The following TRIM29 variants were observed in gnomAD, a reference collection of about 807,000 sequenced individuals.
The protein encoded by TRIM29 is tripartite motif containing 29.
In TRIM29, 52 loss-of-function variants were observed where a neutral mutation model predicts 57.3. The ratio of observed to expected loss-of-function variants is 0.91; its 90% CI spans 0.73 to 1.14. TRIM29 has a LOEUF of 1.14. Ranked by LOEUF, TRIM29 falls within the 50% of genes most tolerant of loss-of-function variation. TRIM29 has a pLI of 0.00. For synonymous variants in TRIM29, 319 were observed against 316.9 expected (o/e 1.01, Z -0.07); for missense variants, 753 against 774.6 (o/e 0.97, Z 0.33).
intron 1 of TRIM29, among the ~76,000 whole-genome samples, chr11:120,135,740 G>A (rs1863803189): frequency 6.6e-6 from 1 of 152,192 alleles, no homozygotes; most frequent in African/African-American, 2.4e-5. Context: ...GTCCAGGGGT[G>A]TGGGTGAGAG....
chr11:120,134,678 T>C (rs1863784100), intron 1 of TRIM29, among the ~76,000 whole-genome samples: 1 of 152,174 alleles, frequency 6.6e-6, no homozygotes, highest in African/African-American at 2.4e-5. Flanking sequence ...GCTCCCACCA[T>C]CACAGTCACT....
Position 120,137,877 on chromosome 11 carries a change from TC to T in TRIM29, c.154del (p.Glu52ArgfsTer9), listed in dbSNP as rs753976737. The T allele has an allele frequency of 1.2e-6, 2 of 1,611,262 alleles. No individual in the cohort carries two copies. The highest frequency in any genetic ancestry group is 2.2e-5 in the South Asian group (2 of 91,078). On this transcript the variant is annotated frameshift_variant, in exon 1 of 9. Coordinates refer to ENST00000341846, the MANE Select transcript of TRIM29 (RefSeq NM_012101.4). LOFTEE classifies it high-confidence loss of function. The surrounding 1 kb of genome is among the most constrained non-coding windows in gnomAD (Gnocchi z 6.2). Reference protein sequence around the residue: ...TTNGHGGEAAEGKSLGSALKP... With the variant: ...TTNGHGGEAAXGKSLGSALKP... ...CAGGGCGCTGCCCAGGCTCTTGCCCTCAGCTGCCTCCCCGCCGTGCCCGTTG... is the reference window on the plus strand; with the variant it reads ...CAGGGCGCTGCCCAGGCTCTTGCCCTAGCTGCCTCCCCGCCGTGCCCGTTG...
chr11:120,124,809 T>C (rs1315429611), intron 4 of TRIM29: 2 of 152,214 alleles, frequency 1.3e-5, no homozygotes, highest in African/African-American at 2.4e-5. Flanking sequence ...AATGGCCTCC[T>C]GAACCCCAAC....
Position 120,120,674 on chromosome 11 carries a change from C to T in TRIM29, c.1436-9G>A, listed in dbSNP as rs1391110997. On this transcript the variant is annotated splice_polypyrimidine_tract_variant and intron_variant, in intron 5 of 8. Transcript: ENST00000341846. Reference sequence around the variant, plus strand: ...TGATGTCCGGACCCCACCTGTGAAGCAGATGAAGGGGGCTGTCATTGCAGA... The same window carrying T: ...TGATGTCCGGACCCCACCTGTGAAGTAGATGAAGGGGGCTGTCATTGCAGA... 1 of 1,613,320 alleles carries T rather than the reference C, an allele frequency of 6.2e-7. No individual in the cohort carries two copies. Among genetic ancestry groups the T allele is most frequent in the African/African-American group, 1.3e-5 (1 of 74,830 alleles).
At position 120,123,057 on chromosome 11, in the gene TRIM29, T is replaced by G. The variant is rs111234057; in HGVS notation, c.1334-2A>C. 6.2e-7 allele frequency: 1 copy of G among 1,613,924 alleles called. No individual in the cohort carries two copies. Among genetic ancestry groups the G allele is most frequent in the Non-Finnish European group, 8.5e-7 (1 of 1,179,900 alleles). On this transcript the variant is annotated splice_acceptor_variant, in intron 4 of 8. Coordinates refer to ENST00000341846, the MANE Select transcript of TRIM29 (RefSeq NM_012101.4). LOFTEE classifies it high-confidence loss of function. ...TGTTCACATAGCGATGGTCACCACC[T>G]AGGAAGCAGAGGGTCGGGTCAGCAG...
chr11:120,117,947 C>T (rs537327889), intron 7 of TRIM29: 5 of 474,820 alleles, frequency 1.1e-5, no homozygotes, highest in South Asian at 8.7e-5. Flanking sequence ...TATGGCATGT[C>T]CCCCGGTCCT....
At chr11:120,115,503 G>A in intron 7 of TRIM29, 89 bp from the exon 8 acceptor site, 1 of 1,130,344 alleles carries the variant, frequency 8.8e-7, no homozygotes, top group Non-Finnish European at 1.3e-6. Flanking sequence ...CTTCTCCAAA[G>A]TGACCACCAA....
At chr11:120,135,227 AAG>A (rs1591332084) in intron 1 of TRIM29, among the ~76,000 whole-genome samples, 1 of 152,124 alleles carries the variant, frequency 6.6e-6, no homozygotes, top group East Asian at 1.9e-4. Context: ...GATAATCAAT[AAG>A]AATGTCCTTT....
intron 8 of TRIM29, among the ~76,000 whole-genome samples, chr11:120,114,609 T>C (rs902211777): frequency 1.3e-5 from 2 of 152,202 alleles, no homozygotes; most frequent in African/African-American, 4.8e-5. Context: ...TTCAGGCACA[T>C]GGGGGCTCTG....
At position 120,118,213 on chromosome 11, in the gene TRIM29, GC is replaced by G; in HGVS notation, c.1627+9del. 6.2e-7 allele frequency: 1 copy of G among 1,613,092 alleles called. No individual in the cohort carries two copies. Among genetic ancestry groups the G allele is most frequent in the Non-Finnish European group, 8.5e-7 (1 of 1,179,350 alleles). ...TGGAGGAAAGCAGGGGCCAGGGTGGGCAAGCTCACCTTTCAGGGAGAAGGAG... is the reference window on the plus strand; with the variant it reads ...TGGAGGAAAGCAGGGGCCAGGGTGGGAAGCTCACCTTTCAGGGAGAAGGAG... On this transcript the variant is annotated intron_variant, in intron 7 of 8. Coordinates refer to ENST00000341846, the MANE Select transcript of TRIM29 (RefSeq NM_012101.4).
rs1309803381 is a variant in TRIM29 at position 120,137,445 on chromosome 11, T to A, written c.587A>T (p.Glu196Val). 6.2e-7 allele frequency: 1 copy of A among 1,606,766 alleles called. No individual in the cohort carries two copies. The highest frequency in any genetic ancestry group is 8.5e-7 in the Non-Finnish European group (1 of 1,179,928). ...SCLVCQASFC[E>V]LHLKPHLEGA... ...CTCCAGGTGGGGCTTGAGATGCAGC[T>A]CGCAGAAGGAGGCCTGGCACACCAG... Residue 196 changes from glutamate (E) to valine (V), a missense_variant, in exon 1 of 9, where the codon GAG becomes GTG. Transcript: ENST00000341846. The surrounding 1 kb of genome is among the most constrained non-coding windows in gnomAD (Gnocchi z 6.2).
At chr11:120,123,667 C>T (rs1863516119) in intron 4 of TRIM29, 1 of 352,778 alleles carries the variant, frequency 2.8e-6, no homozygotes, top group Admixed American at 3.9e-5. Flanking sequence ...CGACACTTGA[C>T]TTCCCTCAGC....
intron 8 of TRIM29, 110 bp from the exon 9 acceptor site, chr11:120,112,586 C>G: frequency 2.5e-6 from 3 of 1,178,328 alleles, no homozygotes; most frequent in Non-Finnish European, 3.7e-6. Context: ...CAAGACCCGA[C>G]AATTCTAGGG....
At chr11:120,128,923 A>G (rs1435227009) in intron 1 of TRIM29, 4 of 1,397,722 alleles carry the variant, frequency 2.9e-6, no homozygotes, top group Non-Finnish European at 3.7e-6. Context: ...CGTGGCAGTA[A>G]CAGTGTGCAG....
rs2135035826 is a variant in TRIM29 at position 120,137,578 on chromosome 11, T to A, written c.454A>T (p.Ser152Cys). ...AGGCCCGTGTCGGCCCGGGGGTAGC[T>A]GTTCCGCCGGGTCTCCCCGGGCTCC... ...IMEPGETRRN[S>C]YPRADTGLFS... is the part of the protein sequence containing the mutation. The change falls in exon 1 of 9, where the codon AGC becomes TGC. Residue 152 changes from serine (S) to cysteine (C), a missense_variant. By Grantham distance (112) the Ser-to-Cys change is moderately radical. Transcript: ENST00000341846. This position sits in a 1 kb window ranked among gnomAD's most constrained non-coding sequence, Gnocchi z 6.2. 6.2e-7 allele frequency: 1 copy of A among 1,612,620 alleles called. No homozygotes were observed. Among genetic ancestry groups the A allele is most frequent in the East Asian group, 2.2e-5 (1 of 44,796 alleles).
chr11:120,116,395 G>A (rs1245314858), intron 7 of TRIM29: 2 of 152,304 alleles, frequency 1.3e-5, no homozygotes, highest in Non-Finnish European at 2.9e-5. Context: ...AATAAGCAGG[G>A]TCTGTCCTGG....
At chr11:120,120,343 G>GTACA (rs1863402996) in intron 6 of TRIM29, among the ~76,000 whole-genome samples, 1 of 92,922 alleles carries the variant, frequency 1.1e-5, no homozygotes, top group East Asian at 3.1e-4. Flanking sequence ...CCCCACACAT[G>GTACA]TACACACACA....
rs769666088 is a variant in TRIM29 at position 120,127,395 on chromosome 11, C to T, written c.1075G>A (p.Glu359Lys). ...ALDERAKVLH[E>K]DKQTREQLHS... Reference sequence around the variant, plus strand: ...AGCTGCTCCCGGGTCTGCTTGTCCTCATGCAGCACCTTGGCTCTCTCATCC... The same window carrying T: ...AGCTGCTCCCGGGTCTGCTTGTCCTTATGCAGCACCTTGGCTCTCTCATCC... The change falls in exon 3 of 9, where the codon GAG (glutamate) becomes AAG (lysine). Residue 359 changes from glutamate (E) to lysine (K), a missense_variant. Physicochemically the swap from Glu to Lys is moderately conservative, Grantham distance 56. Coordinates refer to ENST00000341846, the MANE Select transcript of TRIM29 (RefSeq NM_012101.4). 4.3e-6 allele frequency: 7 copies of T among 1,614,164 alleles called. No homozygotes were observed. Among genetic ancestry groups the T allele is most frequent in the Non-Finnish European group, 5.9e-6 (7 of 1,180,032 alleles).
intron 1 of TRIM29, among the ~76,000 whole-genome samples, chr11:120,136,753 C>G (rs1029246881): frequency 6.6e-6 from 1 of 150,462 alleles, no homozygotes; most frequent in Non-Finnish European, 1.5e-5. Flanking sequence ...AGGGGCCAGT[C>G]CGACTCAGGT....
Sources: allele counts gnomAD v4.1 joint callset (sites outside exome capture counted in the v4.1 genomes callset), GRCh38; gene constraint gnomAD v4.1.1; non-coding constraint Gnocchi (gnomAD v3.1); transcripts MANE v1.5; gene names NCBI Gene and HGNC (gene_info 2026-07-23, HGNC 2026-07-21).